Variants in DAB1 observed in about 807,000 individuals in gnomAD.
The protein encoded by DAB1 is disabled homolog 1.
A neutral mutation model predicts 64.6 loss-of-function variants in DAB1; 15 were observed. The observed-to-expected ratio is 0.23, with a 90% CI of 0.16 to 0.36. The LOEUF is 0.36. DAB1 is among the 10% of genes least tolerant of loss of function. DAB1 has a pLI of 1.00. For synonymous variants in DAB1, 235 were observed against 251.9 expected, an observed-to-expected ratio of 0.93 and a Z score of 0.64; for missense variants, 596 against 706.7, an observed-to-expected ratio of 0.84 and a Z score of 1.78.
intron 9 of DAB1, among the ~76,000 whole-genome samples, chr1:57,050,528 G>GC (rs1369339054): frequency 1.3e-5 from 2 of 152,160 alleles, no homozygotes; most frequent in African/African-American, 4.8e-5. Context: ...ACATTGCCAT[G>GC]CTTTTAAACA....
chr1:58,213,361 C>T (rs928444589), intron 4 of DAB1, among the ~76,000 whole-genome samples: 1 of 152,056 alleles, frequency 6.6e-6, no homozygotes, highest in Non-Finnish European at 1.5e-5. Context: ...TAAAGACATA[C>T]CCGAGACAGG....
At chr1:57,037,309 C>A (rs1196157445) in intron 9 of DAB1, among the ~76,000 whole-genome samples, 1 of 152,194 alleles carries the variant, frequency 6.6e-6, no homozygotes, top group Non-Finnish European at 1.5e-5. Flanking sequence ...GTGCTTTCCA[C>A]ATGTCATGTC....
chr1:57,224,985 C>A (rs1477242331), intron 2 of DAB1, among the ~76,000 whole-genome samples: 1 of 152,174 alleles, frequency 6.6e-6, no homozygotes, highest in Non-Finnish European at 1.5e-5. Context: ...AAACTCAGGA[C>A]AATGAGGTTC....
At chr1:57,271,904 A>G (rs549710178) in intron 2 of DAB1, among the ~76,000 whole-genome samples, 1 of 152,142 alleles carries the variant, frequency 6.6e-6, no homozygotes, top group Admixed American at 6.5e-5. Flanking sequence ...GCTGAGCTTT[A>G]CAGATTTTCA....
upstream of DAB1, among the ~76,000 whole-genome samples, chr1:57,425,017 G>A (rs996808942): frequency 2.0e-5 from 3 of 152,184 alleles, no homozygotes; most frequent in African/African-American, 7.2e-5. Context: ...AAAGATCCTA[G>A]AAACACCAAG....
intron 2 of DAB1, among the ~76,000 whole-genome samples, chr1:57,275,159 A>C (rs1306321908): frequency 6.6e-6 from 1 of 152,148 alleles, no homozygotes; most frequent in Non-Finnish European, 1.5e-5. Flanking sequence ...AGAGAGAGAG[A>C]ATATAAAACT....
At chr1:57,053,287 A>G (rs1415257589) in intron 9 of DAB1, among the ~76,000 whole-genome samples, 1 of 152,096 alleles carries the variant, frequency 6.6e-6, no homozygotes, top group Non-Finnish European at 1.5e-5. Flanking sequence ...TTGCTTTGTC[A>G]CCCAGGCTGG....
chr1:58,159,502 G>A (rs891990145), intron 4 of DAB1, among the ~76,000 whole-genome samples: 2 of 152,166 alleles, frequency 1.3e-5, no homozygotes, highest in Admixed American at 1.3e-4. Flanking sequence ...CTTGGGTGCT[G>A]GAGCTATTCT....
chr1:57,258,726 G>A (rs865795862), intron 2 of DAB1, among the ~76,000 whole-genome samples: 2 of 152,098 alleles, frequency 1.3e-5, no homozygotes, highest in Admixed American at 1.3e-4. Context: ...GGATTTGCTC[G>A]CTCTCCACTT....
At chr1:57,297,738 A>G (rs1290946242) in intron 1 of DAB1, among the ~76,000 whole-genome samples, 1 of 152,190 alleles carries the variant, frequency 6.6e-6, no homozygotes, top group Non-Finnish European at 1.5e-5. Flanking sequence ...ACAAAGAAAT[A>G]TGTAACTAAG....
chr1:57,617,145 C>T (rs1645799333), intron 7 of DAB1, among the ~76,000 whole-genome samples: 1 of 152,116 alleles, frequency 6.6e-6, no homozygotes, highest in Admixed American at 6.5e-5. Flanking sequence ...ACATACTGCC[C>T]AGCTGCTGTG....
chr1:57,499,096 C>T (rs1255019581), intron 7 of DAB1, among the ~76,000 whole-genome samples: 1 of 152,162 alleles, frequency 6.6e-6, no homozygotes, highest in Non-Finnish European at 1.5e-5. Context: ...CTGCCTCAAC[C>T]TCCTGAGTAG....
chr1:57,538,563 G>A (rs1644758193), intron 7 of DAB1, among the ~76,000 whole-genome samples: 4 of 152,184 alleles, frequency 2.6e-5, no homozygotes, highest in African/African-American at 4.8e-5. Context: ...AGACAAGAAA[G>A]AGCTGGAGAT....
chr1:57,733,689 T>C (rs1417819157), intron 6 of DAB1, among the ~76,000 whole-genome samples: 1 of 152,030 alleles, frequency 6.6e-6, no homozygotes, highest in Non-Finnish European at 1.5e-5. Context: ...GGTCGAGCGA[T>C]TTGCCAAATG....
At chr1:58,232,024 A>G (rs1659799353) in intron 4 of DAB1, among the ~76,000 whole-genome samples, 1 of 152,212 alleles carries the variant, frequency 6.6e-6, no homozygotes, top group Non-Finnish European at 1.5e-5. Flanking sequence ...CTTTCCCATA[A>G]ACTATTTTGT....
chr1:58,182,129 C>G (rs142622293), intron 4 of DAB1, among the ~76,000 whole-genome samples: 4 of 152,088 alleles, frequency 2.6e-5, no homozygotes, highest in Non-Finnish European at 4.4e-5. Flanking sequence ...GCCTCTATTT[C>G]TAGTAGGAAG....
intron 5 of DAB1, among the ~76,000 whole-genome samples, chr1:57,898,198 T>G (rs1644420620): frequency 6.6e-6 from 1 of 152,178 alleles, no homozygotes; most frequent in South Asian, 2.1e-4. Context: ...TAGATATCAC[T>G]ATCCCATTTT....
At chr1:57,611,870 T>C (rs1197921210) in intron 7 of DAB1, among the ~76,000 whole-genome samples, 1 of 152,234 alleles carries the variant, frequency 6.6e-6, no homozygotes, top group Non-Finnish European at 1.5e-5. Flanking sequence ...CTCTAAGGTC[T>C]TCCTATTGCA....
chr1:58,396,544 G>C (rs1476812131), intron 3 of DAB1, among the ~76,000 whole-genome samples: 1 of 152,012 alleles, frequency 6.6e-6, no homozygotes, highest in Non-Finnish European at 1.5e-5. Context: ...ACAAGAGATG[G>C]AGAGAGACAA....
Sources: allele counts gnomAD v4.1 joint callset (sites outside exome capture counted in the v4.1 genomes callset), GRCh38; gene constraint gnomAD v4.1.1; transcripts MANE v1.5; gene names NCBI Gene and HGNC (gene_info 2026-07-23, HGNC 2026-07-21).